The following MCIDAS variants were observed in gnomAD, a reference collection of about 807,000 sequenced individuals.
The protein encoded by MCIDAS is multicilin.
In MCIDAS, 23 loss-of-function variants were observed where a neutral mutation model predicts 35.4. That is an observed-to-expected ratio of 0.65 (90% CI 0.47 to 0.92). MCIDAS has a LOEUF of 0.92. Ranked by LOEUF, MCIDAS falls within the 40% of genes least tolerant of loss-of-function variation. The pLI, the probability that MCIDAS is intolerant of heterozygous loss-of-function variation, is 0.00. For missense variants in MCIDAS, 480 were observed against 531.8 expected (o/e 0.90, Z 0.96); for synonymous variants, 228 against 235.2 (o/e 0.97, Z 0.28).
At chr5:55,222,909 G>C in intron 4 of MCIDAS, 42 bp downstream of exon 4, 1 of 1,512,470 alleles carries the variant, frequency 6.6e-7, no homozygotes, top group Non-Finnish European at 8.9e-7. Flanking sequence ...GGGAGTGGGG[G>C]ACACCCCCGC....
rs1335409574 is a variant in MCIDAS at position 55,222,970 on chromosome 5, C to G, written c.363G>C (p.Thr121=). 1 of 1,536,080 alleles carries G rather than the reference C, an allele frequency of 6.5e-7. No homozygotes were observed. The highest frequency in any genetic ancestry group is 2.4e-5 in the East Asian group (1 of 40,906). ...ADFNLQDFRD[T]VDDLISDSSS... The stretch of plus-strand genomic sequence containing the variant: ...ACTTGCCTGAAATGAGATCATCCAC[C>G]GTGTCTCTGAAATCTTGCAGATTGA... The change falls in exon 4 of 7, where the codon ACG becomes ACC. Residue 121 remains threonine, a synonymous_variant. Transcript: ENST00000513312.
At chr5:55,224,324 T>C (rs1446170618) in intron 3 of MCIDAS, among the ~76,000 whole-genome samples, 1 of 152,120 alleles carries the variant, frequency 6.6e-6, no homozygotes, top group Non-Finnish European at 1.5e-5. Context: ...TTTGCGCTCA[T>C]CATACTGTTA....
intron 5 of MCIDAS, among the ~76,000 whole-genome samples, chr5:55,221,411 T>G (rs1049346584): frequency 3.3e-5 from 5 of 152,162 alleles, no homozygotes; most frequent in Admixed American, 3.3e-4. Context: ...TATGTCTTGA[T>G]TTCCTTGTAA....
rs1346410709 is a variant in MCIDAS at position 55,223,637 on chromosome 5, C to T, written c.310-614G>A. Reference sequence around the variant, plus strand: ...AACACCGGATCTTTCCACCCAAGACCCGACAGCGTGCAGGGGCCTCGAGCA... The same window carrying T: ...AACACCGGATCTTTCCACCCAAGACTCGACAGCGTGCAGGGGCCTCGAGCA... On this transcript the variant is annotated intron_variant, in intron 3 of 6. Transcript: ENST00000513312. This position sits in a 1 kb window ranked among gnomAD's most constrained non-coding sequence, Gnocchi z 4.4. 1.3e-5 allele frequency among the ~76,000 whole-genome samples: 2 copies of T among 152,218 alleles called. No individual in the cohort carries two copies. The highest frequency in any genetic ancestry group is 2.9e-5 in the Non-Finnish European group (2 of 68,040).
rs2111688391 is a variant in MCIDAS, at chr5:55,220,307, A to T, written c.*59T>A. ...TTCAACCTGAAGGCAAAGTTCTGGG[A>T]AGCCCCCAGGCACTTCAGTGGAAAC... On this transcript the variant is annotated 3_prime_UTR_variant, in exon 7 of 7. Coordinates refer to ENST00000513312, the MANE Select transcript of MCIDAS (RefSeq NM_001190787.3). The T allele has an allele frequency of 3.4e-6, 5 of 1,454,866 alleles. No homozygotes were observed. In the East Asian group the frequency reaches 1.3e-4, roughly 36 times the overall value. The allele number at this position is 1,454,866 out of a possible 1,614,324, so 90.1% of individuals were successfully genotyped here.
rs1401380816 is a variant in MCIDAS at position 55,226,825 on chromosome 5, C to G, written c.217+10G>C. On this transcript the variant is annotated intron_variant, in intron 2 of 6. Transcript: ENST00000513312. ...AACCCGAGGGGTAGCGTGGGTGCCA[C>G]GGGGCTCACCTGGCAGCGCTGTGGG... 5.0e-6 allele frequency: 7 copies of G among 1,389,378 alleles called. No individual in the cohort carries two copies. In the African/African-American group the frequency reaches 9.1e-5, roughly 18 times the overall value. 86.1% of individuals were successfully genotyped at this position (1,389,378 alleles called of 1,614,324 possible).
At chr5:55,222,588 T>C (rs1429498749) in intron 4 of MCIDAS, among the ~76,000 whole-genome samples, 189 bp from the exon 5 acceptor site, 1 of 152,146 alleles carries the variant, frequency 6.6e-6, no homozygotes, top group Non-Finnish European at 1.5e-5. Context: ...GTATCCAACA[T>C]ATGCCTGTTA....
At position 55,220,537 on chromosome 5, in the gene MCIDAS, G is replaced by A; in HGVS notation, c.987C>T (p.Asp329=). 1 of 1,536,106 alleles carries A rather than the reference G, an allele frequency of 6.5e-7. No individual in the cohort carries two copies. Among genetic ancestry groups the A allele is most frequent in the Non-Finnish European group, 8.7e-7 (1 of 1,146,902 alleles). The change falls in exon 7 of 7, where the codon GAC becomes GAT. Residue 329 remains aspartate, a synonymous_variant. Coordinates refer to ENST00000513312, the MANE Select transcript of MCIDAS (RefSeq NM_001190787.3). ...TCAGGTTCAACGCGCTCCGGCTGCA[G>A]TCTGTGCGCAGCCCCCGGAAGGCGC... ...LHGAFRGLRT[D]CSRSALNLSH... is the part of the protein sequence containing the mutation.
chr5:55,220,278 G>A lies in MCIDAS; in HGVS notation c.*88C>T. 2 of 1,249,700 alleles carry A rather than the reference G, an allele frequency of 1.6e-6. No homozygotes were observed. The highest frequency in any genetic ancestry group is 2.3e-4 in the Middle Eastern group (1 of 4,258). The allele number at this position is 1,249,700 out of a possible 1,614,324, so 77.4% of individuals were successfully genotyped here. A position where few individuals can be genotyped will look rare whatever the true frequency, so the allele number is the denominator to read the frequency against. On this transcript the variant is annotated 3_prime_UTR_variant, in exon 7 of 7. Coordinates refer to ENST00000513312, the MANE Select transcript of MCIDAS (RefSeq NM_001190787.3). ...TGTTCCTGAAAAAGTGTTTCAGGGT[G>A]GCATTCAACCTGAAGGCAAAGTTCT...
At chr5:55,221,210 T>TGATGA in intron 5 of MCIDAS, 84 bp from the exon 6 acceptor site, 3 of 878,248 alleles carry the variant, frequency 3.4e-6, no homozygotes, top group Non-Finnish European at 5.2e-6. Flanking sequence ...ACCCAGATCC[T>TGATGA]GACGTCTCAT....
chr5:55,226,608 C>T lies in MCIDAS; in HGVS notation c.277G>A (p.Ala93Thr), dbSNP rs115971569. The T allele has an allele frequency of 2.6e-6, 4 of 1,532,396 alleles. No homozygotes were observed. The African/African-American group carries it at 4.1e-5, about 16-fold the overall frequency. 94.9% of individuals were successfully genotyped at this position (1,532,396 alleles called of 1,614,324 possible). The change falls in exon 3 of 7, where the codon GCG (alanine) becomes ACG (threonine). Residue 93 changes from alanine to threonine, a missense_variant. Coordinates refer to ENST00000513312, the MANE Select transcript of MCIDAS (RefSeq NM_001190787.3). ...GCGGCCAGGTCACCACCAGGCGGCG[C>T]GTCGGACCCGAGTAGCGAAGAGCAG... ...ADCSSLLGSD[A>T]PPGGDLAASQ...
rs1180561348 is a variant in MCIDAS, at chr5:55,223,580, G to A, written c.310-557C>T. Among the ~76,000 whole-genome samples the A allele has an allele frequency of 6.6e-6, 1 of 152,242 alleles. No individual in the cohort carries two copies. On this transcript the variant is annotated intron_variant, in intron 3 of 6. Coordinates refer to ENST00000513312, the MANE Select transcript of MCIDAS (RefSeq NM_001190787.3). The surrounding 1 kb of genome is among the most constrained non-coding windows in gnomAD (Gnocchi z 4.4). ...CGACTCACCAGCGACCGGCCACCGA[G>A]CCGCCGCTGTAGGAGCTGAGAGCAC...
Position 55,222,334 on chromosome 5 carries a change from A to G in MCIDAS, c.448T>C (p.Ser150Pro). Reference sequence around the variant, plus strand: ...GGGGAGAGGCAGGGCCCGAATGGTGATATGTCGCAAGGAGAGAAGGGGAAG... The same window carrying G: ...GGGGAGAGGCAGGGCCCGAATGGTGGTATGTCGCAAGGAGAGAAGGGGAAG... The part of the protein sequence containing the change: ...GDFPFSPCDI[S>P]PFGPCLSPPL... The change falls in exon 5 of 7, where the codon TCA (serine) becomes CCA (proline). Residue 150 changes from serine (S) to proline (P), a missense_variant. Coordinates refer to ENST00000513312, the MANE Select transcript of MCIDAS (RefSeq NM_001190787.3). The G allele has an allele frequency of 6.5e-7, 1 of 1,534,294 alleles. No individual in the cohort carries two copies. Among genetic ancestry groups the G allele is most frequent in the Non-Finnish European group, 8.7e-7 (1 of 1,146,058 alleles).
rs751000453 is a variant in MCIDAS, at chr5:55,220,549, C to T, written c.975G>A (p.Gly325=). The T allele has an allele frequency of 7.8e-6, 12 of 1,535,940 alleles. No individual in the cohort carries two copies. The South Asian group carries it at 1.3e-4, about 17-fold the overall frequency. The change falls in exon 7 of 7, where the codon GGG becomes GGA. Residue 325 remains glycine (G), a synonymous_variant. Transcript: ENST00000513312. ...RPGNLHGAFR[G]LRTDCSRSAL... ...CGCTCCGGCTGCAGTCTGTGCGCAG[C>T]CCCCGGAAGGCGCCATGCAGGTTCC...
At position 55,226,612 on chromosome 5, in the gene MCIDAS, G is replaced by C; in HGVS notation, c.273C>G (p.Ser91=). 4 of 1,532,620 alleles carry C rather than the reference G, an allele frequency of 2.6e-6. No individual in the cohort carries two copies. The highest frequency in any genetic ancestry group is 3.5e-6 in the Non-Finnish European group (4 of 1,145,372). 94.9% of individuals were successfully genotyped at this position (1,532,620 alleles called of 1,614,324 possible). A position where few individuals can be genotyped will look rare whatever the true frequency, so the allele number is the denominator to read the frequency against. The part of the protein sequence containing the change: ...DLADCSSLLG[S]DAPPGGDLAA... ...CCAGGTCACCACCAGGCGGCGCGTC[G>C]GACCCGAGTAGCGAAGAGCAGTCAG... The change falls in exon 3 of 7, where the codon TCC becomes TCG. Residue 91 remains serine (S), a synonymous_variant. Coordinates refer to ENST00000513312, the MANE Select transcript of MCIDAS (RefSeq NM_001190787.3).
At chr5:55,222,086 G>A (rs774274150) in intron 5 of MCIDAS, 90 bp downstream of exon 5, 388 of 1,235,040 alleles carry the variant, frequency 3.1e-4, no homozygotes, top group Non-Finnish European at 4.3e-4. Flanking sequence ...CGACTCACAG[G>A]ACCTCATCTT....
chr5:55,221,021 G>C lies in MCIDAS; in HGVS notation c.712C>G (p.Leu238Val), dbSNP rs1034917675. Reference sequence around the variant, plus strand: ...CACGCCCGCGCCCCACTTACATCCAGCACCGAGGCCAGGTGCCGGGTTCGG... The same window carrying C: ...CACGCCCGCGCCCCACTTACATCCACCACCGAGGCCAGGTGCCGGGTTCGG... ...ASRTRHLASV[L>V]DKLMITQSRD... The change falls in exon 6 of 7, where the codon CTG becomes GTG. Residue 238 changes from leucine (L) to valine (V), a missense_variant. Transcript: ENST00000513312. 1 of 1,535,642 alleles carries C rather than the reference G, an allele frequency of 6.5e-7. No individual in the cohort carries two copies. The highest frequency in any genetic ancestry group is 1.4e-5 in the African/African-American group (1 of 73,038).
intron 3 of MCIDAS, 126 bp downstream of exon 3, chr5:55,226,450 T>G (rs1745455094): frequency 1.1e-6 from 1 of 894,478 alleles, no homozygotes; most frequent in Admixed American, 2.8e-5. Context: ...GCACAATGCT[T>G]CCCCTCACCA....
Position 55,220,627 on chromosome 5 carries a change from A to T in MCIDAS, c.897T>A (p.Asp299Glu). The T allele has an allele frequency of 1.3e-6, 2 of 1,536,014 alleles. No individual in the cohort carries two copies. Among genetic ancestry groups the T allele is most frequent in the Non-Finnish European group, 1.7e-6 (2 of 1,146,876 alleles). ...CTGGCAGCAGTCGGGGCCGCTTGGG[A>T]TCGCGGCTCTGAAGGGCTTCATCGC... ...ERCDEALQSR[D>E]PKRPRLLPEP... The change falls in exon 7 of 7, where the codon GAT becomes GAA. Residue 299 changes from aspartate (D) to glutamate (E), a missense_variant. Coordinates refer to ENST00000513312, the MANE Select transcript of MCIDAS (RefSeq NM_001190787.3).
Sources: gnomAD v4.1 joint callset for allele counts (sites outside exome capture counted in the v4.1 genomes callset) on GRCh38, gnomAD v4.1.1 for gene constraint, Gnocchi (gnomAD v3.1) non-coding constraint, MANE v1.5 for transcripts, NCBI Gene and HGNC (gene_info 2026-07-23, HGNC 2026-07-21) for gene names.